The following NFASC variants were observed in gnomAD, a reference collection of about 807,000 sequenced individuals.
NFASC encodes neurofascin.
Under a neutral mutation model 147.5 loss-of-function variants are expected in NFASC, and 43 were observed. That is an observed-to-expected ratio of 0.29 (90% confidence interval 0.23 to 0.38). The LOEUF is 0.38. Ranked by LOEUF, NFASC falls within the 10% of genes least tolerant of loss-of-function variation. The probability of loss-of-function intolerance (pLI) is 1.00; values close to 1 mark genes in which losing one functional copy is unlikely to be tolerated. For synonymous variants in NFASC, 622 were observed against 665.5 expected, an observed-to-expected ratio of 0.93 and a Z score of 1.01; for missense variants, 1,320 against 1,689.0, an observed-to-expected ratio of 0.78 and a Z score of 3.83.
Position 204,831,088 on chromosome 1 carries a change from C to T in NFASC, c.-200+2306C>T, listed in dbSNP as rs138791821. Among the ~76,000 whole-genome samples the T allele has an allele frequency of 8.5e-5, 13 of 152,218 alleles. No individual in the cohort carries two copies. The East Asian group carries it at 2.5e-3, about 29-fold the overall frequency. The stretch of plus-strand genomic sequence containing the variant: ...TTCCTGGTACAGGGAGAAAGCATTA[C>T]CTGCAGCCGTTGTTGAGAGCTGATT... On this transcript the variant is annotated intron_variant, in intron 1 of 29. Transcript: ENST00000339876.
intron 13 of NFASC, 33 bp downstream of exon 13, chr1:204,974,323 G>A: frequency 6.6e-7 from 1 of 1,513,152 alleles, no homozygotes; most frequent in Non-Finnish European, 9.2e-7. Context: ...TTCCACAGCA[G>A]GGGTCACCTG....
At chr1:205,007,850 A>G (rs1248903723) in intron 27 of NFASC, among the ~76,000 whole-genome samples, 1 of 152,186 alleles carries the variant, frequency 6.6e-6, no homozygotes, top group Non-Finnish European at 1.5e-5. Context: ...AGTTTTCTTC[A>G]ATAACAATAA....
intron 24 of NFASC, chr1:204,993,729 A>AGCTCCTAT (rs756519634): frequency 1.9e-6 from 1 of 514,780 alleles, no homozygotes; most frequent in South Asian, 1.4e-5. Flanking sequence ...CCAAACCTGT[A>AGCTCCTAT]GCTCCTATTG....
chr1:205,009,943 A>G (rs1530743), intron 28 of NFASC: 218,567 of 515,094 alleles, frequency 0.42, 49,793 homozygotes, highest in Non-Finnish European at 0.5. Context: ...CCTGGCTCCT[A>G]TTAAGAATGA....
intron 1 of NFASC, among the ~76,000 whole-genome samples, chr1:204,834,022 G>A (rs563564431): frequency 2.2e-4 from 34 of 152,184 alleles, no homozygotes; most frequent in Admixed American, 1.6e-3. Flanking sequence ...ATGGAACTGA[G>A]CCTCGAAGAA....
chr1:205,002,065 C>T (rs1287851001), intron 26 of NFASC, among the ~76,000 whole-genome samples: 1 of 152,174 alleles, frequency 6.6e-6, no homozygotes, highest in African/African-American at 2.4e-5. Flanking sequence ...TTTTCAGGCT[C>T]CTACTACCCC....
chr1:205,014,669 C>T (rs2096314024), intron 29 of NFASC, among the ~76,000 whole-genome samples: 1 of 152,142 alleles, frequency 6.6e-6, no homozygotes, highest in African/African-American at 2.4e-5. Flanking sequence ...ACCTAGATCC[C>T]CCGTCCCCTC....
chr1:204,859,161 A>G (rs1056375825), intron 1 of NFASC, among the ~76,000 whole-genome samples: 1 of 152,140 alleles, frequency 6.6e-6, no homozygotes, highest in African/African-American at 2.4e-5. Flanking sequence ...TAATCTTAGT[A>G]GAGACGGGGT....
chr1:204,934,082 G>A (rs2092615890), intron 2 of NFASC, among the ~76,000 whole-genome samples: 1 of 150,370 alleles, frequency 6.7e-6, no homozygotes, highest in Non-Finnish European at 1.5e-5. Flanking sequence ...AGGTTGCAAT[G>A]AGCTGAGATC....
intron 1 of NFASC, among the ~76,000 whole-genome samples, chr1:204,838,354 C>A (rs2102450480): frequency 6.6e-6 from 1 of 152,310 alleles, no homozygotes; most frequent in Non-Finnish European, 1.5e-5. Flanking sequence ...CTAAGCCTCT[C>A]TGACTTAGAG....
At chr1:204,906,996 G>A (rs1031289211) in intron 1 of NFASC, among the ~76,000 whole-genome samples, 6 of 152,188 alleles carry the variant, frequency 3.9e-5, no homozygotes, top group Non-Finnish European at 7.3e-5. Flanking sequence ...AGGAATCCCA[G>A]GTCATATGGC....
rs773250640 is a variant in NFASC, at chr1:204,988,718, G to C, written c.2679G>C (p.Val893=). ...TKFTVQRTDP[V]SRYRFTLSAR... ...TCACGGTGCAAAGAACGGACCCCGT[G>C]TCACGCTACCGCTTTACCCTCAGCG... is the stretch of plus-strand genomic sequence containing the variant. Residue 893 remains valine (V), a synonymous_variant, in exon 23 of 30, where the codon GTG becomes GTC. Coordinates refer to ENST00000339876, the MANE Select transcript of NFASC (RefSeq NM_001005388.3). 1 of 1,614,246 alleles carries C rather than the reference G, an allele frequency of 6.2e-7. No homozygotes were observed. Among genetic ancestry groups the C allele is most frequent in the Non-Finnish European group, 8.5e-7 (1 of 1,180,048 alleles).
chr1:205,004,729 T>C (rs2096069401), intron 27 of NFASC, among the ~76,000 whole-genome samples: 1 of 152,102 alleles, frequency 6.6e-6, no homozygotes, highest in Non-Finnish European at 1.5e-5. Context: ...CTCGTGAGCA[T>C]CTCTGGGCCC....
intron 8 of NFASC, chr1:204,967,874 G>A (rs2095048240): frequency 5.6e-6 from 1 of 179,970 alleles, no homozygotes; most frequent in African/African-American, 2.4e-5. Flanking sequence ...GACCGCTGCT[G>A]AGATGGCCTG....
At chr1:204,842,273 T>C (rs1675565783) in intron 1 of NFASC, among the ~76,000 whole-genome samples, 1 of 152,256 alleles carries the variant, frequency 6.6e-6, no homozygotes, top group South Asian at 2.1e-4. Context: ...GATTCTTCTC[T>C]TATGTATTTC....
At chr1:204,933,737 G>C (rs1302581405) in intron 2 of NFASC, among the ~76,000 whole-genome samples, 1 of 151,436 alleles carries the variant, frequency 6.6e-6, no homozygotes, top group Middle Eastern at 3.4e-3. Context: ...GAATGGGAAA[G>C]GAAGAAGCCA....
intron 1 of NFASC, among the ~76,000 whole-genome samples, chr1:204,841,158 G>T (rs1335823764): frequency 6.6e-6 from 1 of 152,210 alleles, no homozygotes; most frequent in Non-Finnish European, 1.5e-5. Context: ...CACCTACTCT[G>T]TATCAGTGAC....
intron 2 of NFASC, among the ~76,000 whole-genome samples, chr1:204,924,467 A>G (rs1289074111): frequency 6.6e-6 from 1 of 152,226 alleles, no homozygotes; most frequent in Non-Finnish European, 1.5e-5. Context: ...TCAATTCAGA[A>G]GACCCAGCTC....
At chr1:204,835,545 T>C (rs1031609727) in intron 1 of NFASC, among the ~76,000 whole-genome samples, 38 of 152,070 alleles carry the variant, frequency 2.5e-4, no homozygotes, top group African/African-American at 9.2e-4. Flanking sequence ...TCTTGAGATA[T>C]CAAGACTTGA....
Sources: allele counts gnomAD v4.1 joint callset (sites outside exome capture counted in the v4.1 genomes callset), GRCh38; gene constraint gnomAD v4.1.1; transcripts MANE v1.5; gene names NCBI Gene and HGNC (gene_info 2026-07-23, HGNC 2026-07-21).